Variants in CTNNA3 observed in about 807,000 individuals in gnomAD.
CTNNA3 encodes the protein catenin alpha-3.
CTNNA3 carries 76 observed loss-of-function variants against 95.7 expected under a neutral mutation model. The ratio of observed to expected loss-of-function variants is 0.79; its 90% confidence interval spans 0.66 to 0.96. The LOEUF (loss-of-function observed/expected upper bound fraction) is 0.96. Among genes scored for constraint, CTNNA3 ranks in the 40% least tolerant of loss-of-function variants. The probability of loss-of-function intolerance (pLI) is 0.00; values close to 1 mark genes in which losing one functional copy is unlikely to be tolerated. For synonymous variants in CTNNA3, 431 were observed against 374.4 expected (o/e 1.15, Z -1.74); for missense variants, 1,191 against 1,089.8 (o/e 1.09, Z -1.31).
chr10:66,051,944 A>T (rs72793424), intron 15 of CTNNA3, among the ~76,000 whole-genome samples: 7,862 of 152,186 alleles, frequency 0.052, 263 homozygotes, highest in East Asian at 0.19. Context: ...CAAAATTCTT[A>T]ATGTTTTGGC....
intron 5 of CTNNA3, among the ~76,000 whole-genome samples, chr10:67,267,413 G>A (rs181136465): frequency 1.4e-4 from 21 of 152,238 alleles, no homozygotes; most frequent in Admixed American, 3.9e-4. Context: ...TGCCCAGGCT[G>A]GAGTGCAGTG....
At chr10:67,758,323 TACACACACACAC>T (rs3059974) in intron 1 of CTNNA3, among the ~76,000 whole-genome samples, 9 of 143,318 alleles carry the variant, frequency 6.3e-5, no homozygotes, top group Admixed American at 2.9e-4. Context: ...TAAATATATA[TACACACACACAC>T]ACACACACAC....
At position 67,566,043 on chromosome 10, in the gene CTNNA3, G is replaced by GTGTATATATATATATATATATA. The variant is rs1274109672; in HGVS notation, c.293-26375_293-26374insTATATATATATATATATATACA. Among the ~76,000 whole-genome samples, 61 of 26,936 alleles carry GTGTATATATATATATATATATA rather than the reference G, an allele frequency of 2.3e-3. 1 individual carries two copies. Among genetic ancestry groups the GTGTATATATATATATATATATA allele is most frequent in the South Asian group, 4.3e-3 (2 of 466 alleles). The allele number at this position is 26,936 out of a possible 152,430, so 17.7% of individuals were successfully genotyped here. A position where few individuals can be genotyped will look rare whatever the true frequency, so the allele number is the denominator to read the frequency against. ...CACACACACACACATATGTGTGTGTGTATATATATATATATATATATATAT... is the reference window on the plus strand; with the variant it reads ...CACACACACACACATATGTGTGTGTGTGTATATATATATATATATATATATATATATATATATATATATATAT... On this transcript the variant is annotated intron_variant, in intron 3 of 17. Transcript: ENST00000433211.
chr10:67,392,467 A>T (rs1589247211), intron 5 of CTNNA3, among the ~76,000 whole-genome samples: 1 of 152,232 alleles, frequency 6.6e-6, no homozygotes, highest in Non-Finnish European at 1.5e-5. Context: ...GGGACTGTAA[A>T]CTACTTCAAC....
chr10:66,045,920 T>C (rs1256696405), intron 15 of CTNNA3, among the ~76,000 whole-genome samples: 3 of 152,126 alleles, frequency 2.0e-5, no homozygotes, highest in Non-Finnish European at 4.4e-5. Flanking sequence ...ATTAAGTTTA[T>C]CTAAGAGGTA....
At chr10:66,809,060 T>A (rs115785824) in intron 7 of CTNNA3, among the ~76,000 whole-genome samples, 1,729 of 152,286 alleles carry the variant, frequency 0.011, 37 homozygotes, top group African/African-American at 0.039. Flanking sequence ...AGACTCTCAG[T>A]GTCGTTATCA....
chr10:66,045,977 C>A (rs763456205), intron 15 of CTNNA3, among the ~76,000 whole-genome samples: 1 of 151,946 alleles, frequency 6.6e-6, no homozygotes, highest in Non-Finnish European at 1.5e-5. Context: ...CCAAGATGGC[C>A]GACTAGATGC....
In CTNNA3 at chr10:65,920,222, A is replaced by T; in HGVS notation, c.*108T>A. ...CGCCCAATATTTTATGTTATTTGTG[A>T]GTTAAACACCAAAACTTAGTGAAAT... On this transcript the variant is annotated 3_prime_UTR_variant, in exon 18 of 18. Transcript: ENST00000433211. 1 of 934,866 alleles carries T rather than the reference A, an allele frequency of 1.1e-6. No homozygotes were observed. Among genetic ancestry groups the T allele is most frequent in the Non-Finnish European group, 1.6e-6 (1 of 611,582 alleles). The allele number at this position is 934,866 out of a possible 1,614,324, so 57.9% of individuals were successfully genotyped here. A position where few individuals can be genotyped will look rare whatever the true frequency, so the allele number is the denominator to read the frequency against.
chr10:66,103,997 A>G (rs1025825960), intron 13 of CTNNA3, among the ~76,000 whole-genome samples: 1 of 152,230 alleles, frequency 6.6e-6, no homozygotes, highest in Non-Finnish European at 1.5e-5. Flanking sequence ...GCAAACCAAG[A>G]TGCTTACAGT....
At chr10:67,221,562 T>C (rs910825353) in intron 5 of CTNNA3, among the ~76,000 whole-genome samples, 2 of 151,228 alleles carry the variant, frequency 1.3e-5, no homozygotes, top group Admixed American at 1.3e-4. Context: ...ATTTCCTACA[T>C]AGGAAAAATT....
chr10:67,034,531 T>A (rs1267823141), intron 7 of CTNNA3, among the ~76,000 whole-genome samples: 3 of 152,166 alleles, frequency 2.0e-5, no homozygotes, highest in African/African-American at 7.2e-5. Context: ...ATCATTTCAA[T>A]CTCCTACCCT....
intron 1 of CTNNA3, among the ~76,000 whole-genome samples, chr10:67,695,761 G>T (rs1201951003): frequency 4.6e-5 from 7 of 152,078 alleles, no homozygotes; most frequent in Non-Finnish European, 1.0e-4. Context: ...CACGACCTTG[G>T]CTACCAGCTT....
chr10:67,443,771 C>A (rs1023006502), intron 5 of CTNNA3, among the ~76,000 whole-genome samples: 1 of 151,980 alleles, frequency 6.6e-6, no homozygotes, highest in African/African-American at 2.4e-5. Context: ...ATGGTAGTTT[C>A]TTTTGCTGTG....
At chr10:66,555,319 T>C (rs1331404826) in intron 10 of CTNNA3, among the ~76,000 whole-genome samples, 1 of 152,152 alleles carries the variant, frequency 6.6e-6, no homozygotes, top group Non-Finnish European at 1.5e-5. Flanking sequence ...CAACTGCTTC[T>C]TCCAGAACTG....
intron 5 of CTNNA3, among the ~76,000 whole-genome samples, chr10:67,448,022 CT>C (rs1485786126): frequency 6.6e-6 from 1 of 152,162 alleles, no homozygotes; most frequent in East Asian, 1.9e-4. Context: ...AAGAGCTGAG[CT>C]TTTGGCTACA....
rs1330404178 is a variant in CTNNA3, at chr10:66,379,324, C to T, written c.1560G>A (p.Lys520=). ...CCTGGTCTCTTAAGGCTATGATACA[C>T]TTGTTGACATCTTCCAAGATATGGC... The part of the protein sequence containing the change: ...SESHILEDVN[K]CIIALRDQDA... The change falls in exon 12 of 18, where the codon AAG becomes AAA. Residue 520 remains lysine, a synonymous_variant. Transcript: ENST00000433211. The T allele has an allele frequency of 7.4e-6, 12 of 1,613,974 alleles. No individual in the cohort carries two copies. Among genetic ancestry groups the T allele is most frequent in the African/African-American group, 1.3e-5 (1 of 74,918 alleles).
At chr10:66,000,102 A>G (rs2078741507) in intron 15 of CTNNA3, among the ~76,000 whole-genome samples, 1 of 152,178 alleles carries the variant, frequency 6.6e-6, no homozygotes, top group Non-Finnish European at 1.5e-5. Context: ...AGATAATTTT[A>G]AAACATTATG....
chr10:66,616,349 T>C (rs1457443436), intron 10 of CTNNA3, among the ~76,000 whole-genome samples: 1 of 152,100 alleles, frequency 6.6e-6, no homozygotes, highest in African/African-American at 2.4e-5. Flanking sequence ...CTTCTCTATA[T>C]TGAGATAAAA....
rs998966471 is a variant in CTNNA3 at position 66,251,319 on chromosome 10, A to AC, written c.1884+29150_1884+29151insG. ...GATTATACCTTTGAAATTAAAAAAA[A>AC]AAATCTGATACTTGACAATGCCTCT... is the stretch of plus-strand genomic sequence containing the variant. On this transcript the variant is annotated intron_variant, in intron 13 of 17. Transcript: ENST00000433211. 2.0e-5 allele frequency among the ~76,000 whole-genome samples: 3 copies of AC among 152,132 alleles called. 1 individual carries two copies. The highest frequency in any genetic ancestry group is 2.9e-5 in the Non-Finnish European group (2 of 68,020).
Sources: allele counts gnomAD v4.1 joint callset (sites outside exome capture counted in the v4.1 genomes callset), GRCh38; gene constraint gnomAD v4.1.1; transcripts MANE v1.5; gene names NCBI Gene and HGNC (gene_info 2026-07-23, HGNC 2026-07-21).